Variants in KCNT1 observed in about 807,000 individuals in gnomAD.
The protein encoded by KCNT1 is potassium channel subfamily T member 1.
A neutral mutation model predicts 147.8 loss-of-function variants in KCNT1; 78 were observed. The ratio of observed to expected loss-of-function variants is 0.53; its 90% confidence interval spans 0.44 to 0.64. The LOEUF is 0.64. Among genes scored for constraint, KCNT1 ranks in the 30% least tolerant of loss-of-function variants. The pLI is 0.00. For synonymous variants in KCNT1, 867 were observed against 748.8 expected (o/e 1.16, Z -2.58); for missense variants, 1,419 against 1,750.3 (o/e 0.81, Z 3.38).
chr9:135,734,706 G>C (rs113710611), intron 2 of KCNT1, among the ~76,000 whole-genome samples: 483 of 152,290 alleles, frequency 3.2e-3, no homozygotes, highest in South Asian at 0.016. Context: ...AGCCGCCCCG[G>C]GTGGGCGCGC....
chr9:135,781,297 TGCCCTGG>T (rs1049162507), intron 24 of KCNT1, among the ~76,000 whole-genome samples: 5 of 152,174 alleles, frequency 3.3e-5, no homozygotes, highest in African/African-American at 7.2e-5. Flanking sequence ...GTGGGACAGA[TGCCCTGG>T]GCCCTGGGCA....
In KCNT1 at chr9:135,714,984, G is replaced by A. The variant is rs1835663550; in HGVS notation, c.254+264G>A. ...AGAGCCCGACTTGGGGCGCGGAGGCGGAGGGCGGCCTGGCCTTCCGGTGTC... is the reference window on the plus strand; with the variant it reads ...AGAGCCCGACTTGGGGCGCGGAGGCAGAGGGCGGCCTGGCCTTCCGGTGTC... On this transcript the variant is annotated intron_variant, in intron 2 of 30. Coordinates refer to ENST00000371757, the MANE Select transcript of KCNT1 (RefSeq NM_020822.3). This position sits in a 1 kb window ranked among gnomAD's most constrained non-coding sequence, Gnocchi z 6.2. Among the ~76,000 whole-genome samples, 1 of 152,228 alleles carries A rather than the reference G, an allele frequency of 6.6e-6. No homozygotes were observed. Among genetic ancestry groups the A allele is most frequent in the South Asian group, 2.1e-4 (1 of 4,836 alleles).
At chr9:135,716,313 T>C (rs1380968379) in intron 2 of KCNT1, among the ~76,000 whole-genome samples, 1 of 152,138 alleles carries the variant, frequency 6.6e-6, no homozygotes, top group East Asian at 1.9e-4. Flanking sequence ...GTTGATCAAA[T>C]TGTAATGCTG....
chr9:135,712,501 C>T (rs1835543634), intron 1 of KCNT1, among the ~76,000 whole-genome samples: 1 of 152,112 alleles, frequency 6.6e-6, no homozygotes, highest in Non-Finnish European at 1.5e-5. Flanking sequence ...GGTTATGTTC[C>T]AGTTCCACCT....
At chr9:135,790,807 A>G (rs1240376535) in intron 29 of KCNT1, 1 of 152,298 alleles carries the variant, frequency 6.6e-6, no homozygotes, top group Non-Finnish European at 1.5e-5. Context: ...CTGGAACAGG[A>G]ATCCAGGAGC....
chr9:135,737,474 CG>C (rs1219289781), intron 2 of KCNT1, among the ~76,000 whole-genome samples: 1 of 152,098 alleles, frequency 6.6e-6, no homozygotes, highest in East Asian at 1.9e-4. Flanking sequence ...CTAGATGCTG[CG>C]GGGGAAATGA....
Position 135,725,740 on chromosome 9 carries a change from T to C in KCNT1, c.254+11020T>C, listed in dbSNP as rs377273699. Reference sequence around the variant, plus strand: ...CACGTGGAGCTGTGGCTGCCCTTGCTGGGTTTGGGACCCTCAGCCGGGTCC... The same window carrying C: ...CACGTGGAGCTGTGGCTGCCCTTGCCGGGTTTGGGACCCTCAGCCGGGTCC... On this transcript the variant is annotated intron_variant, in intron 2 of 30. Coordinates refer to ENST00000371757, the MANE Select transcript of KCNT1 (RefSeq NM_020822.3). 4.5e-4 allele frequency among the ~76,000 whole-genome samples: 68 copies of C among 152,332 alleles called. No individual in the cohort carries two copies. In the East Asian group the frequency reaches 8.9e-3, roughly 20 times the overall value.
chr9:135,765,784 G>T, intron 13 of KCNT1, 24 bp downstream of exon 13: 1 of 1,572,018 alleles, frequency 6.4e-7, no homozygotes. Context: ...GGCGGAGGGG[G>T]TGGCATGGGG....
chr9:135,733,832 C>T (rs1181591478), intron 2 of KCNT1, among the ~76,000 whole-genome samples: 2 of 149,932 alleles, frequency 1.3e-5, no homozygotes, highest in East Asian at 2.1e-4. Context: ...TGTCACCTGG[C>T]AGGCACTTTG....
At chr9:135,706,968 G>A (rs936805037) in intron 1 of KCNT1, among the ~76,000 whole-genome samples, 2 of 151,982 alleles carry the variant, frequency 1.3e-5, no homozygotes, top group East Asian at 3.9e-4. Flanking sequence ...AGGAAATGAA[G>A]CCTCACTTGT....
Position 135,759,976 on chromosome 9 carries a change from C to G in KCNT1, c.1035+117C>G, listed in dbSNP as rs1440850758. 43 of 969,448 alleles carry G rather than the reference C, an allele frequency of 4.4e-5. No homozygotes were observed. The East Asian group carries it at 1.2e-3, about 27-fold the overall frequency. 60.1% of individuals were successfully genotyped at this position (969,448 alleles called of 1,614,324 possible). A position where few individuals can be genotyped will look rare whatever the true frequency, so the allele number is the denominator to read the frequency against. On this transcript the variant is annotated intron_variant, in intron 11 of 30. Coordinates refer to ENST00000371757, the MANE Select transcript of KCNT1 (RefSeq NM_020822.3). Reference sequence around the variant, plus strand: ...TGCGGGGGCCACTCCCAGGAGGGGACAGTGAGGCCAGGCGGGTGGTGCCTG... The same window carrying G: ...TGCGGGGGCCACTCCCAGGAGGGGAGAGTGAGGCCAGGCGGGTGGTGCCTG...
At chr9:135,736,006 T>C (rs1185819212) in intron 2 of KCNT1, among the ~76,000 whole-genome samples, 1 of 152,228 alleles carries the variant, frequency 6.6e-6, no homozygotes, top group Non-Finnish European at 1.5e-5. Flanking sequence ...AGACCAGCGC[T>C]GCACACACAC....
chr9:135,779,240 C>G, intron 23 of KCNT1, 119 bp from the exon 24 acceptor site: 2 of 574,658 alleles, frequency 3.5e-6, no homozygotes, highest in Middle Eastern at 5.2e-4. Flanking sequence ...TGCCCTGAGA[C>G]CCCCCCACAG....
At chr9:135,706,397 A>G (rs1357175005) in intron 1 of KCNT1, among the ~76,000 whole-genome samples, 1 of 152,242 alleles carries the variant, frequency 6.6e-6, no homozygotes. Context: ...TGTTTGCCGC[A>G]TGGCCCACGG....
intron 18 of KCNT1, among the ~76,000 whole-genome samples, chr9:135,771,736 G>A (rs1338839511): frequency 6.6e-6 from 1 of 152,116 alleles, no homozygotes; most frequent in Non-Finnish European, 1.5e-5. Flanking sequence ...GGAGGCCCAT[G>A]GCCCCTAGGG....
chr9:135,731,960 G>GTGTATATATA (rs1471079492), intron 2 of KCNT1, among the ~76,000 whole-genome samples: 24 of 41,412 alleles, frequency 5.8e-4, no homozygotes, highest in Non-Finnish European at 9.5e-4. Context: ...AAATATGCGT[G>GTGTATATATA]TATATATATA....
intron 24 of KCNT1, among the ~76,000 whole-genome samples, 167 bp from the exon 25 acceptor site, chr9:135,783,857 A>G (rs1833802013): frequency 1.3e-5 from 2 of 152,262 alleles, no homozygotes. Context: ...GTATGCACAC[A>G]TGCAGACACA....
chr9:135,774,452 T>C (rs1046293799), intron 19 of KCNT1, among the ~76,000 whole-genome samples: 3 of 147,480 alleles, frequency 2.0e-5, no homozygotes, highest in Non-Finnish European at 3.0e-5. Context: ...GTGGTGTGTC[T>C]GTGTGTTGTG....
chr9:135,727,044 T>C (rs1836202653), intron 2 of KCNT1, among the ~76,000 whole-genome samples: 4 of 62,742 alleles, frequency 6.4e-5, no homozygotes, highest in African/African-American at 1.9e-4. Flanking sequence ...CCATTCTCTC[T>C]CTCTCTCCCT....
Sources: allele counts gnomAD v4.1 joint callset (sites outside exome capture counted in the v4.1 genomes callset), GRCh38; gene constraint gnomAD v4.1.1; non-coding constraint Gnocchi (gnomAD v3.1); transcripts MANE v1.5; gene names NCBI Gene and HGNC (gene_info 2026-07-23, HGNC 2026-07-21).